NETO1: variants seen among roughly 807,000 people sequenced by gnomAD.
The protein encoded by NETO1 is neuropilin and tolloid like 1.
A neutral mutation model predicts 61.3 loss-of-function variants in NETO1; 26 were observed. The observed-to-expected ratio is 0.42, with a 90% CI of 0.31 to 0.59. NETO1 has a LOEUF of 0.59. Among genes scored for constraint, NETO1 ranks in the 20% least tolerant of loss-of-function variants. The probability of loss-of-function intolerance (pLI) is 0.12; values close to 1 mark genes in which losing one functional copy is unlikely to be tolerated. For missense variants in NETO1, 531 were observed against 662.8 expected (o/e 0.80, Z 2.18); for synonymous variants, 225 against 225.8 (o/e 1.00, Z 0.03).
At chr18:72,805,758 T>C (rs965549522) in intron 4 of NETO1, among the ~76,000 whole-genome samples, 2 of 152,194 alleles carry the variant, frequency 1.3e-5, no homozygotes, top group African/African-American at 4.8e-5. Context: ...GTCTGGACTC[T>C]CCATGTGGCT....
At chr18:72,813,553 C>T (rs2072934984) in intron 4 of NETO1, among the ~76,000 whole-genome samples, 3 of 152,220 alleles carry the variant, frequency 2.0e-5, no homozygotes, top group Admixed American at 1.3e-4. Flanking sequence ...TAAGACATTA[C>T]AAACCAGACT....
At chr18:72,831,476 C>G (rs2073577412) in intron 4 of NETO1, among the ~76,000 whole-genome samples, 1 of 152,170 alleles carries the variant, frequency 6.6e-6, no homozygotes, top group Admixed American at 6.5e-5. Context: ...TAAATTTTAA[C>G]ATCTCTGTAA....
intron 4 of NETO1, chr18:72,834,036 T>G (rs2073664040): frequency 1.3e-6 from 1 of 791,456 alleles, no homozygotes; most frequent in Non-Finnish European, 1.5e-6. Context: ...AGATATATTT[T>G]CATTTAGATA....
At position 72,751,050 on chromosome 18, in the gene NETO1, TAC is replaced by T. The variant is rs764681364; in HGVS notation, c.983-432_983-431del. ...CATCGTCCAGCATCTCATCTTAAAA[TAC>T]ACACACACACACACACACACACACA... On this transcript the variant is annotated intron_variant, in intron 8 of 10. Coordinates refer to ENST00000327305, the MANE Select transcript of NETO1 (RefSeq NM_138966.5). Among the ~76,000 whole-genome samples, 96 of 137,980 alleles carry T rather than the reference TAC, an allele frequency of 7.0e-4. 1 individual carries two copies. The highest frequency in any genetic ancestry group is 4.0e-3 in the East Asian group (18 of 4,528). 90.5% of individuals were successfully genotyped at this position (137,980 alleles called of 152,430 possible).
intron 4 of NETO1, among the ~76,000 whole-genome samples, chr18:72,833,569 C>CT (rs1223884606): frequency 6.6e-6 from 1 of 152,178 alleles, no homozygotes; most frequent in African/African-American, 2.4e-5. Context: ...CCGTCTCTCA[C>CT]TAACTCCCTG....
In NETO1 at chr18:72,746,815, C is replaced by A. The variant is rs930945913; in HGVS notation, c.*1364G>T. On this transcript the variant is annotated 3_prime_UTR_variant, in exon 11 of 11. Transcript: ENST00000327305. ...TTTAAAAATTTATTTTGTAAGATTACACATTGAATATTTTAAAAAATAACC... is the reference window on the plus strand; with the variant it reads ...TTTAAAAATTTATTTTGTAAGATTAAACATTGAATATTTTAAAAAATAACC... Among the ~76,000 whole-genome samples, 42 of 151,862 alleles carry A rather than the reference C, an allele frequency of 2.8e-4. No individual in the cohort carries two copies. Among genetic ancestry groups the A allele is most frequent in the Non-Finnish European group, 5.2e-4 (35 of 67,904 alleles).
At chr18:72,771,594 A>T (rs190042380) in intron 7 of NETO1, among the ~76,000 whole-genome samples, 255 of 152,294 alleles carry the variant, frequency 1.7e-3, no homozygotes, top group African/African-American at 5.9e-3. Flanking sequence ...ATGAAAAGTT[A>T]TTAATGATTA....
rs200135101 is a variant in NETO1 at position 72,750,442 on chromosome 18, T to C, written c.1161A>G (p.Val387=). 1 of 1,614,128 alleles carries C rather than the reference T, an allele frequency of 6.2e-7. No homozygotes were observed. Among genetic ancestry groups the C allele is most frequent in the African/African-American group, 1.3e-5 (1 of 75,056 alleles). Reference sequence around the variant, plus strand: ...ATAACTCATAATGAGGAGGTTCAAATACCTCCTGGAAAACTGTCTGGTCAA... The same window carrying C: ...ATAACTCATAATGAGGAGGTTCAAACACCTCCTGGAAAACTGTCTGGTCAA... ...SDFDQTVFQE[V]FEPPHYELCT... The change falls in exon 9 of 11, where the codon GTA becomes GTG. Residue 387 remains valine, a synonymous_variant. Transcript: ENST00000327305.
At chr18:72,802,069 T>A (rs774306268) in intron 4 of NETO1, among the ~76,000 whole-genome samples, 9 of 152,170 alleles carry the variant, frequency 5.9e-5, no homozygotes, top group Non-Finnish European at 1.3e-4. Flanking sequence ...TTTATAGATG[T>A]TAATAATTTC....
rs913639785 is a variant in NETO1 at position 72,830,880 on chromosome 18, C to G, written c.469+27946G>C. ...CACTTTTTATCCCCTATTTTCTTCT[C>G]TGAACATTGAGTTTTCATTTACCAC... On this transcript the variant is annotated intron_variant, in intron 4 of 10. Transcript: ENST00000327305. This position sits in a 1 kb window ranked among gnomAD's most constrained non-coding sequence, Gnocchi z 4.9. Among the ~76,000 whole-genome samples, 1 of 152,110 alleles carries G rather than the reference C, an allele frequency of 6.6e-6. No homozygotes were observed. Among genetic ancestry groups the G allele is most frequent in the African/African-American group, 2.4e-5 (1 of 41,416 alleles).
chr18:72,823,092 T>C (rs1397396604), intron 4 of NETO1, among the ~76,000 whole-genome samples: 3 of 152,244 alleles, frequency 2.0e-5, no homozygotes, highest in Non-Finnish European at 4.4e-5. Flanking sequence ...CTCCCACGTA[T>C]CTCACAGTCT....
intron 4 of NETO1, among the ~76,000 whole-genome samples, chr18:72,807,747 CACACACA>C (rs770475725): frequency 0.26 from 11,926 of 46,266 alleles, 527 homozygotes; most frequent in South Asian, 0.46. Flanking sequence ...CACACACACA[CACACACA>C]CCCATACTGT....
At chr18:72,755,933 T>C (rs1397463894) in intron 8 of NETO1, 101 bp downstream of exon 8, 2 of 632,644 alleles carry the variant, frequency 3.2e-6, no homozygotes, top group African/African-American at 3.7e-5. Flanking sequence ...TAAAAGGCAC[T>C]ATACACTCTT....
At chr18:72,760,455 G>A (rs1023969655) in intron 7 of NETO1, among the ~76,000 whole-genome samples, 2 of 152,172 alleles carry the variant, frequency 1.3e-5, no homozygotes, top group African/African-American at 2.4e-5. Context: ...AGGACAGAGA[G>A]CCCAGCTGTG....
At chr18:72,837,233 G>A (rs11661882) in intron 4 of NETO1, among the ~76,000 whole-genome samples, 146,048 of 152,096 alleles carry the variant, frequency 0.96, 70,211 homozygotes, top group Non-Finnish European at 0.99. Flanking sequence ...GGGCAAATGA[G>A]CGCAAGTTTG....
At chr18:72,841,219 C>A (rs1264612188) in intron 4 of NETO1, among the ~76,000 whole-genome samples, 1 of 152,046 alleles carries the variant, frequency 6.6e-6, no homozygotes, top group African/African-American at 2.4e-5. Flanking sequence ...GAAGCTTGAA[C>A]AAAATTTGCA....
At chr18:72,855,608 A>G (rs1454241457) in intron 4 of NETO1, among the ~76,000 whole-genome samples, 1 of 152,226 alleles carries the variant, frequency 6.6e-6, no homozygotes, top group Non-Finnish European at 1.5e-5. Context: ...GGAATTCAGA[A>G]GCACAGCTAC....
intron 6 of NETO1, among the ~76,000 whole-genome samples, chr18:72,791,395 T>C (rs2072112075): frequency 6.6e-6 from 1 of 152,202 alleles, no homozygotes; most frequent in South Asian, 2.1e-4. Context: ...CTAGGAACTC[T>C]ATAAAAATAG....
intron 4 of NETO1, among the ~76,000 whole-genome samples, chr18:72,831,606 A>G (rs1354410394): frequency 3.3e-5 from 5 of 152,150 alleles, no homozygotes; most frequent in African/African-American, 1.2e-4. Flanking sequence ...TATACTTTCT[A>G]TCTTGTGATC....
Sources: allele counts gnomAD v4.1 joint callset (sites outside exome capture counted in the v4.1 genomes callset), GRCh38; gene constraint gnomAD v4.1.1; non-coding constraint Gnocchi (gnomAD v3.1); transcripts MANE v1.5; gene names NCBI Gene and HGNC (gene_info 2026-07-23, HGNC 2026-07-21).